ANAPC4: variants seen among roughly 807,000 people sequenced by gnomAD.
ANAPC4 encodes the protein anaphase promoting complex subunit 4.
ANAPC4 carries 63 observed loss-of-function variants against 119.8 expected under a neutral mutation model. The ratio of observed to expected loss-of-function variants is 0.53; its 90% CI spans 0.43 to 0.65. ANAPC4 has a LOEUF of 0.65. ANAPC4 is among the 30% of genes least tolerant of loss of function. ANAPC4 has a pLI of 0.00. For missense variants in ANAPC4, 716 were observed against 945.1 expected (o/e 0.76, Z 3.18); for synonymous variants, 283 against 318.6 (o/e 0.89, Z 1.19).
chr4:25,392,831 T>G, intron 10 of ANAPC4, among the ~76,000 whole-genome samples: 1 of 152,242 alleles, frequency 6.6e-6, no homozygotes, highest in Non-Finnish European at 1.5e-5. Flanking sequence ...TGATCTTGAC[T>G]AGACTTGGTC....
At chr4:25,401,941 A>G (rs1407107689) in intron 16 of ANAPC4, among the ~76,000 whole-genome samples, 3 of 152,178 alleles carry the variant, frequency 2.0e-5, no homozygotes, top group Non-Finnish European at 4.4e-5. Context: ...TACGCTTTCT[A>G]TGATCACTTC....
intron 19 of ANAPC4, 37 bp downstream of exon 19, chr4:25,406,922 A>C: frequency 6.9e-7 from 1 of 1,456,306 alleles, no homozygotes; most frequent in Non-Finnish European, 9.4e-7. Flanking sequence ...AGTTTAAAAA[A>C]AAATTACAGT....
chr4:25,396,417 A>T (rs955044901), intron 14 of ANAPC4, among the ~76,000 whole-genome samples: 2 of 152,246 alleles, frequency 1.3e-5, no homozygotes, highest in African/African-American at 2.4e-5. Flanking sequence ...AAGGGTCAGG[A>T]CTAACTGTGG....
At chr4:25,392,677 A>G (rs1333899129) in intron 10 of ANAPC4, among the ~76,000 whole-genome samples, 1 of 130,534 alleles carries the variant, frequency 7.7e-6, no homozygotes, top group Non-Finnish European at 1.8e-5. Flanking sequence ...CATTTACATT[A>G]TAAAGTATTG....
At chr4:25,417,311 G>A (rs541234452) in intron 27 of ANAPC4, 10 of 174,080 alleles carry the variant, frequency 5.7e-5, no homozygotes, top group Non-Finnish European at 8.5e-5. Flanking sequence ...TACAGAGATA[G>A]AGTCTTACTA....
At position 25,415,511 on chromosome 4, in the gene ANAPC4, A is replaced by G. The variant is rs202208886; in HGVS notation, c.1872A>G (p.Thr624=). 3.2e-5 allele frequency: 51 copies of G among 1,613,330 alleles called. 2 individuals are homozygous for G. The South Asian group carries it at 3.6e-4, about 11-fold the overall frequency. ...TTGCTATTAAATTTGGGAGCTTTAC[A>G]TATGCCACAACAGAAAAAGTCAGAA... The part of the protein sequence containing the change: ...GLIAIKFGSF[T]YATTEKVRRS... Residue 624 remains threonine (T), a synonymous_variant, in exon 26 of 29, where the codon ACA becomes ACG. Transcript: ENST00000315368.
At chr4:25,416,098 T>C (rs1210297668) in intron 26 of ANAPC4, 1 of 193,268 alleles carries the variant, frequency 5.2e-6, no homozygotes, top group Non-Finnish European at 1.0e-5. Flanking sequence ...TCAACTCTGC[T>C]GAATGTGTAT....
intron 9 of ANAPC4, among the ~76,000 whole-genome samples, 158 bp downstream of exon 9, chr4:25,391,173 A>C (rs1722328010): frequency 6.6e-6 from 1 of 152,248 alleles, no homozygotes; most frequent in African/African-American, 2.4e-5. Context: ...GTGTTATTAT[A>C]GTGAATACCA....
At chr4:25,391,598 G>A (rs1365809877) in intron 9 of ANAPC4, among the ~76,000 whole-genome samples, 2 of 152,182 alleles carry the variant, frequency 1.3e-5, no homozygotes, top group Non-Finnish European at 2.9e-5. Flanking sequence ...ATTGCGTGCT[G>A]TCTGCATTGT....
intron 10 of ANAPC4, among the ~76,000 whole-genome samples, chr4:25,392,695 AAC>A (rs3215196): frequency 0.41 from 61,803 of 151,866 alleles, 14,897 homozygotes; most frequent in Non-Finnish European, 0.53. Flanking sequence ...TTGTGGGAAA[AAC>A]AGTCTTCACA....
intron 8 of ANAPC4, 60 bp from the exon 9 acceptor site, chr4:25,390,851 A>T: frequency 7.6e-7 from 1 of 1,310,308 alleles, no homozygotes; most frequent in South Asian, 1.3e-5. Context: ...TTTCTGCATG[A>T]TAATCAGCTT....
intron 9 of ANAPC4, among the ~76,000 whole-genome samples, chr4:25,391,774 C>T (rs1722358636): frequency 6.6e-6 from 1 of 152,182 alleles, no homozygotes. Flanking sequence ...TGTCTTCCAA[C>T]ATTCTCTTTG....
At chr4:25,389,937 A>G (rs533204758) in intron 7 of ANAPC4, among the ~76,000 whole-genome samples, 199 bp from the exon 8 acceptor site, 4 of 152,250 alleles carry the variant, frequency 2.6e-5, no homozygotes, top group African/African-American at 9.6e-5. Flanking sequence ...GCTAGAGGAA[A>G]TTTGTGTTCT....
chr4:25,392,894 C>T (rs1377375834), intron 10 of ANAPC4, among the ~76,000 whole-genome samples: 2 of 152,182 alleles, frequency 1.3e-5, no homozygotes, highest in African/African-American at 4.8e-5. Flanking sequence ...TACTCCACAT[C>T]CTTCATACTC....
At chr4:25,407,896 A>C (rs1047088825) in intron 20 of ANAPC4, among the ~76,000 whole-genome samples, 1 of 152,198 alleles carries the variant, frequency 6.6e-6, no homozygotes, top group Non-Finnish European at 1.5e-5. Context: ...CTCAGTCTCA[A>C]AAGAAAAAGA....
intron 19 of ANAPC4, 99 bp downstream of exon 19, chr4:25,406,984 T>G (rs1054658699): frequency 6.7e-5 from 68 of 1,011,946 alleles, no homozygotes; most frequent in Non-Finnish European, 9.4e-5. Flanking sequence ...TTAATTGAAG[T>G]CTATAGCAAT....
At chr4:25,410,731 T>C (rs1157221493) in intron 21 of ANAPC4, among the ~76,000 whole-genome samples, 2 of 152,210 alleles carry the variant, frequency 1.3e-5, no homozygotes, top group East Asian at 1.9e-4. Context: ...GAAAATTCCA[T>C]ACCTGACCTC....
At chr4:25,409,839 G>C in intron 21 of ANAPC4, 48 bp downstream of exon 21, 1 of 1,380,384 alleles carries the variant, frequency 7.2e-7, no homozygotes. Context: ...TTTTATTTAA[G>C]ACTAGGTCTT....
intron 16 of ANAPC4, among the ~76,000 whole-genome samples, chr4:25,401,501 C>G (rs1206118097): frequency 1.3e-5 from 2 of 152,134 alleles, no homozygotes; most frequent in Non-Finnish European, 2.9e-5. Flanking sequence ...TTCAGTTTGT[C>G]CCCCTGTGTC....
Sources: allele counts gnomAD v4.1 joint callset (sites outside exome capture counted in the v4.1 genomes callset), GRCh38; gene constraint gnomAD v4.1.1; transcripts MANE v1.5; gene names NCBI Gene and HGNC (gene_info 2026-07-23, HGNC 2026-07-21).